Variants in SORL1 observed in about 807,000 individuals in gnomAD.
SORL1 encodes sortilin related receptor 1.
In SORL1, 127 loss-of-function variants were observed where a neutral mutation model predicts 273.7. The observed-to-expected ratio is 0.46, with a 90% confidence interval of 0.40 to 0.54. The LOEUF (loss-of-function observed/expected upper bound fraction) is 0.54, where lower values mean the gene tolerates loss of function less well. Among genes scored for constraint, SORL1 ranks in the 20% least tolerant of loss-of-function variants. The pLI is 0.00. For missense variants in SORL1, 2,494 were observed against 2,846.1 expected, an observed-to-expected ratio of 0.88 and a Z score of 2.81; for synonymous variants, 1,031 against 1,067.4, an observed-to-expected ratio of 0.97 and a Z score of 0.66.
chr11:121,538,843 T>A (rs1862306279), intron 12 of SORL1, among the ~76,000 whole-genome samples: 1 of 152,058 alleles, frequency 6.6e-6, no homozygotes, highest in Non-Finnish European at 1.5e-5. Context: ...CACGCCCAGC[T>A]AATTTTTATA....
At chr11:121,576,793 G>T in intron 24 of SORL1, 1 of 1,502,692 alleles carries the variant, frequency 6.7e-7, no homozygotes, top group South Asian at 1.3e-5. Context: ...CCTCCGTTTT[G>T]GGAGCTCAGC....
Position 121,595,339 on chromosome 11 carries a change from A to G in SORL1, c.4370-284A>G, listed in dbSNP as rs1223648695. Among the ~76,000 whole-genome samples the G allele has an allele frequency of 6.6e-6, 1 of 152,182 alleles. No individual in the cohort carries two copies. Among genetic ancestry groups the G allele is most frequent in the African/African-American group, 2.4e-5 (1 of 41,460 alleles). On this transcript the variant is annotated intron_variant, in intron 31 of 47. Transcript: ENST00000260197. This position sits in a 1 kb window ranked among gnomAD's most constrained non-coding sequence, Gnocchi z 5.1. ...AGCCTTCGCTGGCCTCTTTAGTCAC[A>G]TACCGCTATCTGTCTTCTTTCCAGC... is the stretch of plus-strand genomic sequence containing the variant.
chr11:121,474,559 A>G (rs926813722), intron 2 of SORL1, among the ~76,000 whole-genome samples: 1 of 152,248 alleles, frequency 6.6e-6, no homozygotes, highest in Non-Finnish European at 1.5e-5. Flanking sequence ...GTAAAAAAGG[A>G]TCTAACCAGA....
At chr11:121,467,065 TG>T (rs1187369903) in intron 1 of SORL1, among the ~76,000 whole-genome samples, 2 of 145,716 alleles carry the variant, frequency 1.4e-5, no homozygotes, top group East Asian at 4.0e-4. Context: ...AGTCTCGCTC[TG>T]TTGCCCAGGC....
At chr11:121,601,956 G>A (rs1287221097) in intron 32 of SORL1, among the ~76,000 whole-genome samples, 8 of 152,144 alleles carry the variant, frequency 5.3e-5, no homozygotes, top group African/African-American at 9.7e-5. Flanking sequence ...TCAGATTAAT[G>A]TACTTGTTTG....
At chr11:121,463,059 TCCTG>T (rs1861026979) in intron 1 of SORL1, among the ~76,000 whole-genome samples, 1 of 152,174 alleles carries the variant, frequency 6.6e-6, no homozygotes. Flanking sequence ...GTAGGGCAAG[TCCTG>T]GCTTGGGGTG....
intron 41 of SORL1, among the ~76,000 whole-genome samples, chr11:121,618,483 A>G (rs926741558): frequency 3.3e-5 from 5 of 151,774 alleles, no homozygotes; most frequent in Non-Finnish European, 5.9e-5. Flanking sequence ...CTAACACTCT[A>G]TGTTTGCCAC....
chr11:121,567,812 TG>T (rs1862775497), intron 22 of SORL1, among the ~76,000 whole-genome samples: 1 of 152,266 alleles, frequency 6.6e-6, no homozygotes, highest in Non-Finnish European at 1.5e-5. Flanking sequence ...GGTGAACCCC[TG>T]CAAGGGCACC....
In SORL1 at chr11:121,490,037, T is replaced by C. The variant is rs752687607; in HGVS notation, c.691-6T>C. On this transcript the variant is annotated splice_polypyrimidine_tract_variant and splice_region_variant and intron_variant, in intron 4 of 47. Transcript: ENST00000260197. ...CCTCTTGCATCATGACCACTTGTCT[T>C]TGCAGCTGTGGAAGTCAGATGACTT... is the stretch of plus-strand genomic sequence containing the variant. 6.2e-7 allele frequency: 1 copy of C among 1,612,212 alleles called. No homozygotes were observed. Among genetic ancestry groups the C allele is most frequent in the South Asian group, 1.1e-5 (1 of 91,044 alleles).
intron 12 of SORL1, among the ~76,000 whole-genome samples, chr11:121,543,154 G>A (rs1450577709): frequency 6.7e-6 from 1 of 150,028 alleles, no homozygotes; most frequent in Non-Finnish European, 1.5e-5. Flanking sequence ...TCATGCCACT[G>A]CACTCCAGCC....
chr11:121,498,599 G>C (rs1477948972), intron 6 of SORL1, among the ~76,000 whole-genome samples: 2 of 152,094 alleles, frequency 1.3e-5, no homozygotes, highest in Non-Finnish European at 2.9e-5. Flanking sequence ...AGCTGGGCCG[G>C]GCATGGTGGC....
At chr11:121,529,584 T>G (rs1166033062) in intron 11 of SORL1, among the ~76,000 whole-genome samples, 1 of 152,068 alleles carries the variant, frequency 6.6e-6, no homozygotes. Context: ...TAAAGTGTTT[T>G]TTTTTTCTCT....
intron 9 of SORL1, among the ~76,000 whole-genome samples, chr11:121,521,217 T>C (rs916118283): frequency 2.0e-5 from 3 of 152,196 alleles, no homozygotes; most frequent in East Asian, 1.9e-4. Context: ...GAAAATTCTT[T>C]TGGAGACTCT....
intron 12 of SORL1, 77 bp from the exon 13 acceptor site, chr11:121,543,471 G>C: frequency 8.2e-7 from 1 of 1,226,826 alleles, no homozygotes; most frequent in Non-Finnish European, 1.2e-6. Flanking sequence ...TCCTGTTCCT[G>C]GTGAATGTTA....
intron 11 of SORL1, among the ~76,000 whole-genome samples, chr11:121,525,550 A>G (rs995886311): frequency 6.6e-6 from 1 of 152,242 alleles, no homozygotes; most frequent in African/African-American, 2.4e-5. Context: ...ACCAAACAGT[A>G]TGTGAGAATT....
intron 11 of SORL1, among the ~76,000 whole-genome samples, chr11:121,527,562 T>A (rs879611068): frequency 6.6e-6 from 1 of 152,084 alleles, no homozygotes; most frequent in African/African-American, 2.4e-5. Flanking sequence ...CAAAGTTTGG[T>A]GTTATTTTTT....
rs17125473 is a variant in SORL1 at position 121,574,102 on chromosome 11, G to C, written c.3338-139G>C. ...AGCTCTCATGTAATTTATGTCTTCTGTAAGTCTAGGTTTAATTTCTGTTGC... is the reference window on the plus strand; with the variant it reads ...AGCTCTCATGTAATTTATGTCTTCTCTAAGTCTAGGTTTAATTTCTGTTGC... On this transcript the variant is annotated intron_variant, in intron 23 of 47. Transcript: ENST00000260197. The C allele has an allele frequency of 0.035, 27,843 of 792,196 alleles. 1,333 individuals are homozygous for C. The highest frequency in any genetic ancestry group is 0.23 in the East Asian group (8,689 of 37,854). 49.1% of individuals were successfully genotyped at this position (792,196 alleles called of 1,614,324 possible). A position where few individuals can be genotyped will look rare whatever the true frequency, so the allele number is the denominator to read the frequency against.
chr11:121,568,841 C>T (rs1403994168), intron 22 of SORL1, among the ~76,000 whole-genome samples: 1 of 152,200 alleles, frequency 6.6e-6, no homozygotes, highest in Non-Finnish European at 1.5e-5. Flanking sequence ...GCCTCCTCCT[C>T]TCTTTTGATT....
chr11:121,586,858 C>G (rs1254295901), intron 27 of SORL1, among the ~76,000 whole-genome samples: 2 of 152,004 alleles, frequency 1.3e-5, no homozygotes, highest in African/African-American at 4.8e-5. Flanking sequence ...GACCTTACCC[C>G]CAGAGATTCT....
Sources: gnomAD v4.1 joint callset for allele counts (sites outside exome capture counted in the v4.1 genomes callset) on GRCh38, gnomAD v4.1.1 for gene constraint, Gnocchi (gnomAD v3.1) non-coding constraint, MANE v1.5 for transcripts, NCBI Gene and HGNC (gene_info 2026-07-23, HGNC 2026-07-21) for gene names.